The following PDE9A variants were observed in gnomAD, a reference collection of about 807,000 sequenced individuals.
PDE9A encodes the protein high affinity cGMP-specific 3',5'-cyclic phosphodiesterase 9A.
PDE9A carries 60 observed loss-of-function variants against 87.4 expected under a neutral mutation model. That is an observed-to-expected ratio of 0.69 (90% CI 0.56 to 0.85). PDE9A has a LOEUF of 0.85. Among genes scored for constraint, PDE9A ranks in the 40% least tolerant of loss-of-function variants. The pLI is 0.00. For synonymous variants in PDE9A, 272 were observed against 279.4 expected (o/e 0.97, Z 0.27); for missense variants, 665 against 779.0 (o/e 0.85, Z 1.74).
At chr21:42,738,527 C>G (rs931857711) in intron 7 of PDE9A, among the ~76,000 whole-genome samples, 1 of 152,048 alleles carries the variant, frequency 6.6e-6, no homozygotes, top group East Asian at 1.9e-4. Flanking sequence ...CTCTCCCCAC[C>G]CTCCGGCTCG....
At chr21:42,706,450 G>C (rs1458033164) in intron 4 of PDE9A, among the ~76,000 whole-genome samples, 1 of 152,232 alleles carries the variant, frequency 6.6e-6, no homozygotes, top group East Asian at 1.9e-4. Flanking sequence ...TTTGAGACCA[G>C]ACTGGCCAAC....
intron 4 of PDE9A, among the ~76,000 whole-genome samples, chr21:42,706,800 C>T (rs1327589093): frequency 6.6e-6 from 1 of 152,180 alleles, no homozygotes; most frequent in Non-Finnish European, 1.5e-5. Context: ...CCCCCAGCCC[C>T]TGGCAGGCCC....
chr21:42,684,710 G>A (rs74903347), intron 1 of PDE9A, among the ~76,000 whole-genome samples: 7,625 of 152,290 alleles, frequency 0.05, 619 homozygotes, highest in African/African-American at 0.17. Flanking sequence ...GCACCCGTGC[G>A]AGCAGGGCCA....
intron 4 of PDE9A, among the ~76,000 whole-genome samples, chr21:42,727,858 T>C (rs1171853950): frequency 3.3e-5 from 5 of 152,198 alleles, no homozygotes; most frequent in African/African-American, 4.8e-5. Flanking sequence ...TTTCTTCCTT[T>C]CTAATCTGTT....
At position 42,697,790 on chromosome 21, in the gene PDE9A, C is replaced by T. The variant is rs78437986; in HGVS notation, c.219-1178C>T. Among the ~76,000 whole-genome samples, 1,335 of 152,324 alleles carry T rather than the reference C, an allele frequency of 8.8e-3. 12 individuals carry two copies. The highest frequency in any genetic ancestry group is 0.031 in the African/African-American group (1,277 of 41,566). ...CCTCAGGAACTCCTCCAAACCCAAT[C>T]ACCTCCCAAGGCCCTACCTCCTAAT... On this transcript the variant is annotated intron_variant, in intron 3 of 19. Transcript: ENST00000291539.
rs2055493484 is a variant in PDE9A, at chr21:42,759,790, T to G, written c.898-538T>G. On this transcript the variant is annotated intron_variant, in intron 11 of 19. Coordinates refer to ENST00000291539, the MANE Select transcript of PDE9A (RefSeq NM_002606.3). The surrounding 1 kb of genome is among the most constrained non-coding windows in gnomAD (Gnocchi z 7.2). ...GCATGTGTGTATCTGGATGTGGGGG[T>G]GTGTGAGGGTGGATGTGTGCATGTG... 1.4e-5 allele frequency among the ~76,000 whole-genome samples: 2 copies of G among 145,170 alleles called. No individual in the cohort carries two copies. The highest frequency in any genetic ancestry group is 3.0e-5 in the Non-Finnish European group (2 of 66,064).
At chr21:42,654,863 G>A (rs2056930012) in intron 1 of PDE9A, among the ~76,000 whole-genome samples, 2 of 152,190 alleles carry the variant, frequency 1.3e-5, no homozygotes, top group South Asian at 4.1e-4. Flanking sequence ...TCCCACCGTA[G>A]CCCGCTTTGA....
intron 16 of PDE9A, chr21:42,768,698 A>T (rs2056627960): frequency 1.0e-6 from 1 of 985,362 alleles, no homozygotes. Context: ...AGCCAGCTGA[A>T]AACAACCACC....
chr21:42,669,623 G>T (rs2058270499), intron 1 of PDE9A, among the ~76,000 whole-genome samples: 1 of 152,184 alleles, frequency 6.6e-6, no homozygotes, highest in Non-Finnish European at 1.5e-5. Flanking sequence ...CTGGGGCCCT[G>T]GAATCAGCAG....
chr21:42,750,121 G>C (rs2054267809), intron 8 of PDE9A, among the ~76,000 whole-genome samples: 1 of 151,988 alleles, frequency 6.6e-6, no homozygotes, highest in African/African-American at 2.4e-5. Flanking sequence ...CTGGGCAACA[G>C]AGTGAGACTC....
intron 1 of PDE9A, among the ~76,000 whole-genome samples, chr21:42,658,537 A>G (rs1012006023): frequency 1.3e-5 from 2 of 151,826 alleles, no homozygotes; most frequent in Non-Finnish European, 2.9e-5. Flanking sequence ...TCAAATGCAA[A>G]CCTCCTTTCA....
intron 15 of PDE9A, among the ~76,000 whole-genome samples, chr21:42,767,937 A>G (rs1237787919): frequency 6.6e-6 from 1 of 152,228 alleles, no homozygotes; most frequent in Admixed American, 6.5e-5. Flanking sequence ...GGCACAGGGC[A>G]GTGCTTCAGG....
chr21:42,716,339 G>T (rs1458602012), intron 4 of PDE9A, among the ~76,000 whole-genome samples: 1 of 151,680 alleles, frequency 6.6e-6, no homozygotes, highest in Non-Finnish European at 1.5e-5. Flanking sequence ...GGGCCATTTT[G>T]CATTCCCAGC....
intron 4 of PDE9A, among the ~76,000 whole-genome samples, chr21:42,726,607 TATATATATATATA>T (rs1569207133): frequency 4.4e-5 from 1 of 22,874 alleles, no homozygotes; most frequent in African/African-American, 3.5e-4. Flanking sequence ...TATATATATA[TATATATATATATA>T]TATATTTTTT....
At chr21:42,766,487 G>C (rs537108889) in intron 15 of PDE9A, among the ~76,000 whole-genome samples, 4 of 152,338 alleles carry the variant, frequency 2.6e-5, no homozygotes, top group Admixed American at 2.0e-4. Flanking sequence ...TCCACCTCCA[G>C]AGAGGTTGAA....
At chr21:42,773,122 T>G (rs535624560) in intron 19 of PDE9A, among the ~76,000 whole-genome samples, 3 of 150,838 alleles carry the variant, frequency 2.0e-5, no homozygotes, top group African/African-American at 7.3e-5. Context: ...ATTAGCCAGG[T>G]GTTGTGGCGT....
chr21:42,748,177 G>A (rs1005072508), intron 8 of PDE9A, among the ~76,000 whole-genome samples: 7 of 152,232 alleles, frequency 4.6e-5, no homozygotes, highest in South Asian at 2.1e-4. Context: ...ACACAAAACA[G>A]GTTAAAAGCA....
At chr21:42,728,789 C>T (rs1243477869) in intron 4 of PDE9A, among the ~76,000 whole-genome samples, 1 of 151,992 alleles carries the variant, frequency 6.6e-6, no homozygotes, top group African/African-American at 2.4e-5. Flanking sequence ...CACTTGAGGC[C>T]AGGAGTTCAA....
chr21:42,770,408 C>T, intron 17 of PDE9A, among the ~76,000 whole-genome samples: 1 of 152,202 alleles, frequency 6.6e-6, no homozygotes, highest in South Asian at 2.1e-4. Flanking sequence ...CTGTCAGCTC[C>T]TTTCCCCTGC....
Sources: gnomAD v4.1 joint callset for allele counts (sites outside exome capture counted in the v4.1 genomes callset) on GRCh38, gnomAD v4.1.1 for gene constraint, Gnocchi (gnomAD v3.1) non-coding constraint, MANE v1.5 for transcripts, NCBI Gene and HGNC (gene_info 2026-07-23, HGNC 2026-07-21) for gene names.